The following IL1RAPL2 variants were observed in gnomAD, a reference collection of about 807,000 sequenced individuals.
IL1RAPL2 encodes X-linked interleukin-1 receptor accessory protein-like 2.
In IL1RAPL2, 3 loss-of-function variants were observed where a neutral mutation model predicts 44.1. That is an observed-to-expected ratio of 0.07 (90% CI 0.03 to 0.18). The LOEUF (loss-of-function observed/expected upper bound fraction) is 0.18, where lower values mean the gene tolerates loss of function less well. Ranked by LOEUF, IL1RAPL2 falls within the 10% of genes least tolerant of loss-of-function variation. IL1RAPL2 has a pLI of 1.00. For missense variants in IL1RAPL2, 391 were observed against 496.4 expected (o/e 0.79, Z 2.02); for synonymous variants, 181 against 178.8 (o/e 1.01, Z -0.10).
intron 2 of IL1RAPL2, among the ~76,000 whole-genome samples, chrX:105,018,842 C>A (rs766695729): frequency 2.7e-4 from 30 of 111,522 alleles, no homozygotes; most frequent in African/African-American, 7.8e-4. Flanking sequence ...CAGCAAATTA[C>A]CAAGGCCCTT....
intron 2 of IL1RAPL2, among the ~76,000 whole-genome samples, chrX:104,811,720 G>T (rs768343820): frequency 1.8e-5 from 2 of 110,991 alleles, no homozygotes; most frequent in Admixed American, 1.9e-4. Flanking sequence ...CGAATCATCA[G>T]AAGTGACTCA....
intron 2 of IL1RAPL2, among the ~76,000 whole-genome samples, chrX:104,801,221 GA>G (rs1265114527): frequency 8.9e-6 from 1 of 112,152 alleles, no homozygotes. Context: ...TGGCAGGAGT[GA>G]AATTTAGAGT....
intron 2 of IL1RAPL2, among the ~76,000 whole-genome samples, chrX:105,088,056 G>C (rs1466141287): frequency 8.9e-6 from 1 of 112,140 alleles, no homozygotes; most frequent in Non-Finnish European, 1.9e-5. Context: ...AAATGTCAGA[G>C]TCTCTTTAAA....
At chrX:104,859,367 G>A (rs1202264297) in intron 2 of IL1RAPL2, among the ~76,000 whole-genome samples, 1 of 108,517 alleles carries the variant, frequency 9.2e-6, no homozygotes, top group Non-Finnish European at 1.9e-5. Flanking sequence ...GCTAAAGCAA[G>A]GTCAGAGTGG....
At chrX:104,567,128 G>A (rs774377957) in intron 1 of IL1RAPL2, 77 bp downstream of exon 1, 2 of 113,278 alleles carry the variant, frequency 1.8e-5, no homozygotes, top group South Asian at 7.2e-4. Flanking sequence ...AGTTGGCAGC[G>A]GGGCAGGCCG....
At chrX:105,644,093 G>A (rs1276675207) in intron 6 of IL1RAPL2, among the ~76,000 whole-genome samples, 1 of 110,758 alleles carries the variant, frequency 9.0e-6, no homozygotes, top group Non-Finnish European at 1.9e-5. Flanking sequence ...GGGTTTCACC[G>A]TGTTAGCCAG....
In IL1RAPL2 at chrX:105,172,045, G is replaced by C. The variant is rs373568517; in HGVS notation, c.83-23430G>C. On this transcript the variant is annotated intron_variant, in intron 2 of 10. Transcript: ENST00000372582. The stretch of plus-strand genomic sequence containing the variant: ...TTGGCCAGTCTTGGGTGTATATTTG[G>C]AGGAAACTCAATGGTCAAAATGCCC... Among the ~76,000 whole-genome samples, 15 of 112,488 alleles carry C rather than the reference G, an allele frequency of 1.3e-4. No individual in the cohort carries two copies. In the East Asian group the frequency reaches 3.9e-3, roughly 30 times the overall value.
At chrX:105,232,964 C>A (rs1603024554) in intron 3 of IL1RAPL2, among the ~76,000 whole-genome samples, 1 of 111,970 alleles carries the variant, frequency 8.9e-6, no homozygotes, top group Middle Eastern at 4.7e-3. Context: ...CAAAATTCAA[C>A]ACCTGGCACA....
At chrX:104,880,256 T>C (rs1923026622) in intron 2 of IL1RAPL2, among the ~76,000 whole-genome samples, 1 of 111,033 alleles carries the variant, frequency 9.0e-6, no homozygotes, top group African/African-American at 3.3e-5. Context: ...AGTAAAATTC[T>C]CCCATGGCAA....
intron 2 of IL1RAPL2, among the ~76,000 whole-genome samples, chrX:105,008,490 A>G (rs895666769): frequency 8.1e-5 from 9 of 111,796 alleles, no homozygotes; most frequent in Non-Finnish European, 7.5e-5. Flanking sequence ...ATACAAAAAC[A>G]AGAAATGGGG....
intron 8 of IL1RAPL2, among the ~76,000 whole-genome samples, chrX:105,743,826 T>C (rs973421626): frequency 4.5e-5 from 5 of 112,314 alleles, no homozygotes; most frequent in African/African-American, 1.6e-4. Context: ...CAGGGATTGA[T>C]AAAAAGAAGA....
chrX:105,613,141 T>C (rs964906484), intron 6 of IL1RAPL2, among the ~76,000 whole-genome samples: 8 of 111,682 alleles, frequency 7.2e-5, no homozygotes, highest in African/African-American at 2.0e-4. Flanking sequence ...TTGTCTTCCA[T>C]CTTGGATACC....
chrX:104,647,859 T>C (rs1331192811), intron 1 of IL1RAPL2: 1 of 602,790 alleles, frequency 1.7e-6, no homozygotes, highest in Non-Finnish European at 2.8e-6. Flanking sequence ...CCTACCACAA[T>C]GTCCTGTACT....
chrX:105,469,845 A>G (rs1386746200), intron 5 of IL1RAPL2, among the ~76,000 whole-genome samples: 3 of 111,371 alleles, frequency 2.7e-5, no homozygotes, highest in Non-Finnish European at 3.8e-5. Context: ...ACATAAAGTT[A>G]TTGAAAGCAT....
chrX:105,708,807 A>G (rs1321506184), intron 6 of IL1RAPL2, among the ~76,000 whole-genome samples: 1 of 112,011 alleles, frequency 8.9e-6, no homozygotes, highest in Admixed American at 9.5e-5. Flanking sequence ...TTTTCAATTG[A>G]TATGATTGTA....
At chrX:105,583,462 G>C (rs908054645) in intron 6 of IL1RAPL2, among the ~76,000 whole-genome samples, 7 of 111,719 alleles carry the variant, frequency 6.3e-5, no homozygotes, top group Non-Finnish European at 1.3e-4. Context: ...ATTGATGCAA[G>C]GATACTCAGG....
At chrX:105,126,736 G>T (rs948219168) in intron 2 of IL1RAPL2, among the ~76,000 whole-genome samples, 1 of 111,068 alleles carries the variant, frequency 9.0e-6, no homozygotes, top group South Asian at 3.7e-4. Flanking sequence ...CTTTATCTTA[G>T]TTCTCATTAT....
intron 2 of IL1RAPL2, among the ~76,000 whole-genome samples, chrX:104,885,453 G>GT (rs1923207580): frequency 9.0e-6 from 1 of 111,696 alleles, no homozygotes. Flanking sequence ...GTGGCTATGG[G>GT]AGGCCTTAAG....
At chrX:105,200,452 A>G (rs782072306) in intron 3 of IL1RAPL2, among the ~76,000 whole-genome samples, 6 of 112,391 alleles carry the variant, frequency 5.3e-5, no homozygotes, top group Non-Finnish European at 5.6e-5. Flanking sequence ...AATCACACCA[A>G]TATTTTCAAT....
Sources: gnomAD v4.1 joint callset for allele counts (sites outside exome capture counted in the v4.1 genomes callset) on GRCh38, gnomAD v4.1.1 for gene constraint, MANE v1.5 for transcripts, NCBI Gene and HGNC (gene_info 2026-07-23, HGNC 2026-07-21) for gene names.